TBCEL: variants seen among roughly 807,000 people sequenced by gnomAD.
The protein encoded by TBCEL is tubulin-specific chaperone cofactor E-like protein.
In TBCEL, 15 loss-of-function variants were observed where a neutral mutation model predicts 44.2. The observed-to-expected ratio is 0.34, with a 90% CI of 0.23 to 0.52. The LOEUF (loss-of-function observed/expected upper bound fraction) is 0.52. TBCEL is among the 20% of genes least tolerant of loss of function. The probability of loss-of-function intolerance (pLI) is 0.95; values close to 1 mark genes in which losing one functional copy is unlikely to be tolerated. For missense variants in TBCEL, 319 were observed against 506.3 expected (o/e 0.63, Z 3.55); for synonymous variants, 171 against 185.4 (o/e 0.92, Z 0.63).
chr11:121,060,535 G>A (rs2058435563), intron 8 of TBCEL, among the ~76,000 whole-genome samples: 1 of 151,926 alleles, frequency 6.6e-6, no homozygotes, highest in East Asian at 1.9e-4. Context: ...CTGGAAAATA[G>A]ACTCTTGAGG....
chr11:121,024,368 G>A (rs1418276587), intron 1 of TBCEL, 77 bp downstream of exon 1: 1 of 152,576 alleles, frequency 6.6e-6, no homozygotes, highest in Non-Finnish European at 1.5e-5. Context: ...GAGGCGCGGA[G>A]GGTCGCTCCT....
intron 2 of TBCEL, among the ~76,000 whole-genome samples, chr11:121,039,676 A>T (rs1591384425): frequency 6.6e-6 from 1 of 152,246 alleles, no homozygotes; most frequent in African/African-American, 2.4e-5. Flanking sequence ...CATTTTTACT[A>T]AACAATTGGT....
intron 8 of TBCEL, among the ~76,000 whole-genome samples, chr11:121,073,320 C>T (rs1220242308): frequency 1.3e-5 from 2 of 151,650 alleles, no homozygotes; most frequent in Non-Finnish European, 2.9e-5. Flanking sequence ...TTTTTTATTT[C>T]CTTCAGTAAT....
At chr11:121,069,911 C>G (rs1431903543) in intron 8 of TBCEL, among the ~76,000 whole-genome samples, 1 of 152,050 alleles carries the variant, frequency 6.6e-6, no homozygotes, top group Non-Finnish European at 1.5e-5. Context: ...AGGGCTTATT[C>G]TTATAGACAG....
chr11:121,085,654 C>T (rs1946203123), intron 8 of TBCEL, among the ~76,000 whole-genome samples: 1 of 152,184 alleles, frequency 6.6e-6, no homozygotes, highest in African/African-American at 2.4e-5. Context: ...ACTTCCATCT[C>T]TAAGCACAGC....
chr11:121,069,567 G>C (rs1265392799), intron 8 of TBCEL, among the ~76,000 whole-genome samples: 1 of 152,170 alleles, frequency 6.6e-6, no homozygotes, highest in African/African-American at 2.4e-5. Flanking sequence ...GAGGTGGGTG[G>C]ATCACTTGAA....
In TBCEL at chr11:121,057,582, C is replaced by T. The variant is rs1945644416; in HGVS notation, c.713-763C>T. 6.6e-6 allele frequency: 3 copies of T among 454,746 alleles called. No homozygotes were observed. In the Admixed American group the frequency reaches 7.1e-5, roughly 11 times the overall value. 28.2% of individuals were successfully genotyped at this position (454,746 alleles called of 1,614,324 possible). ...CATGGACTTCATCCATGCATTCAAC[C>T]AACTGCAGATTGAAAATACATGGGG... On this transcript the variant is annotated intron_variant, in intron 6 of 8. Coordinates refer to ENST00000683345, the MANE Select transcript of TBCEL (RefSeq NM_001363644.2).
At chr11:121,047,756 G>C (rs1193061192) in intron 4 of TBCEL, 89 bp downstream of exon 4, 5 of 1,478,734 alleles carry the variant, frequency 3.4e-6, no homozygotes, top group Non-Finnish European at 4.6e-6. Context: ...GCTAAATTCT[G>C]TTCTCACTTG....
chr11:121,038,450 A>G (rs748066308), intron 2 of TBCEL, among the ~76,000 whole-genome samples: 6 of 152,164 alleles, frequency 3.9e-5, no homozygotes, highest in Non-Finnish European at 8.8e-5. Flanking sequence ...AGAAAACAAA[A>G]CAAAAATTCC....
intron 8 of TBCEL, among the ~76,000 whole-genome samples, chr11:121,080,197 T>C (rs1946100693): frequency 6.6e-6 from 1 of 152,222 alleles, no homozygotes; most frequent in Non-Finnish European, 1.5e-5. Context: ...TTTTGTTTGT[T>C]ACATTTCTTA....
intron 1 of TBCEL, among the ~76,000 whole-genome samples, chr11:121,029,192 G>A (rs1250874580): frequency 3.9e-5 from 6 of 152,054 alleles, no homozygotes; most frequent in Non-Finnish European, 8.8e-5. Flanking sequence ...CACTCCCTCA[G>A]TGTTCTCAAA....
At chr11:121,073,583 CT>C (rs956237854) in intron 8 of TBCEL, among the ~76,000 whole-genome samples, 7 of 151,544 alleles carry the variant, frequency 4.6e-5, no homozygotes, top group African/African-American at 1.7e-4. Context: ...TTTTATACCT[CT>C]TTTTTTTCTT....
intron 4 of TBCEL, 29 bp downstream of exon 4, chr11:121,047,696 T>A: frequency 2.5e-6 from 4 of 1,609,466 alleles, no homozygotes; most frequent in Non-Finnish European, 3.4e-6. Context: ...TACATTTTAG[T>A]GAAAAGCAGC....
intron 8 of TBCEL, among the ~76,000 whole-genome samples, chr11:121,083,815 C>A (rs1946167825): frequency 6.6e-6 from 1 of 152,052 alleles, no homozygotes; most frequent in Admixed American, 6.6e-5. Context: ...TTTAGAATAT[C>A]TGCTTGTTAA....
intron 3 of TBCEL, among the ~76,000 whole-genome samples, chr11:121,046,785 CAT>C (rs1359829128): frequency 1.3e-5 from 2 of 152,060 alleles, no homozygotes; most frequent in Non-Finnish European, 2.9e-5. Flanking sequence ...TTTATTGACA[CAT>C]GTGTTTTTGA....
intron 1 of TBCEL, among the ~76,000 whole-genome samples, chr11:121,025,921 C>G (rs900591355): frequency 1.3e-5 from 2 of 151,926 alleles, no homozygotes; most frequent in South Asian, 4.2e-4. Flanking sequence ...TTTTAGTTTC[C>G]TTTATCCTTT....
chr11:121,044,186 T>C (rs904820552), intron 2 of TBCEL, among the ~76,000 whole-genome samples: 53 of 152,268 alleles, frequency 3.5e-4, no homozygotes, highest in African/African-American at 1.3e-3. Flanking sequence ...ACGATCTCTC[T>C]GCTGTATTTT....
intron 8 of TBCEL, among the ~76,000 whole-genome samples, chr11:121,069,425 A>C (rs903867148): frequency 6.6e-6 from 1 of 152,216 alleles, no homozygotes; most frequent in Non-Finnish European, 1.5e-5. Flanking sequence ...AGTACATGGG[A>C]AGTAAAGGTA....
intron 8 of TBCEL, among the ~76,000 whole-genome samples, chr11:121,068,398 T>C (rs1218982178): frequency 6.6e-6 from 1 of 152,012 alleles, no homozygotes; most frequent in Non-Finnish European, 1.5e-5. Flanking sequence ...TTTTTTTCTT[T>C]CAGTTCTACT....
Sources: allele counts gnomAD v4.1 joint callset (sites outside exome capture counted in the v4.1 genomes callset), GRCh38; gene constraint gnomAD v4.1.1; transcripts MANE v1.5; gene names NCBI Gene and HGNC (gene_info 2026-07-23, HGNC 2026-07-21).